Variants in PELP1 observed in about 807,000 individuals in gnomAD.
The protein encoded by PELP1 is proline, glutamate and leucine rich protein 1.
In PELP1, 32 loss-of-function variants were observed where a neutral mutation model predicts 95.5. That is an observed-to-expected ratio of 0.34 (90% CI 0.25 to 0.45). The LOEUF (loss-of-function observed/expected upper bound fraction) is 0.45, where lower values mean the gene tolerates loss of function less well. PELP1 is among the 20% of genes least tolerant of loss of function. PELP1 has a pLI of 1.00. For synonymous variants in PELP1, 668 were observed against 600.1 expected, an observed-to-expected ratio of 1.11 and a Z score of -1.65; for missense variants, 1,358 against 1,444.8, an observed-to-expected ratio of 0.94 and a Z score of 0.97.
chr17:4,688,684 G>A lies in PELP1; in HGVS notation c.420+2204C>T, dbSNP rs1912992732. On this transcript the variant is annotated intron_variant, in intron 3 of 16. Coordinates refer to ENST00000572293, the MANE Select transcript of PELP1 (RefSeq NM_014389.3). Reference sequence around the variant, plus strand: ...TAAGGAAAAACTACAAAACACTGCTGAAAGAAATCACAGACGACACAAACA... The same window carrying A: ...TAAGGAAAAACTACAAAACACTGCTAAAAGAAATCACAGACGACACAAACA... 2.6e-5 allele frequency among the ~76,000 whole-genome samples: 4 copies of A among 152,190 alleles called. No individual in the cohort carries two copies. In the South Asian group the frequency reaches 8.3e-4, roughly 31 times the overall value.
chr17:4,703,161 C>T (rs1025021570), intron 1 of PELP1, among the ~76,000 whole-genome samples: 2 of 152,158 alleles, frequency 1.3e-5, no homozygotes, highest in African/African-American at 4.8e-5. Flanking sequence ...ACCCATCTCA[C>T]CAGTCTCATC....
At chr17:4,679,131 A>C (rs9902000) in intron 5 of PELP1, among the ~76,000 whole-genome samples, 114,340 of 151,720 alleles carry the variant, frequency 0.75, 43,609 homozygotes, top group East Asian at 1. Context: ...GCTTCAGGGG[A>C]TCTCCTGCCT....
At chr17:4,674,769 G>A (rs1345447462) in intron 12 of PELP1, 40 bp downstream of exon 12, 1 of 1,592,708 alleles carries the variant, frequency 6.3e-7, no homozygotes, top group East Asian at 2.2e-5. Flanking sequence ...TGGTCAAAGG[G>A]CACAGGATGA....
At chr17:4,699,173 A>AT (rs1274377060) in intron 1 of PELP1, among the ~76,000 whole-genome samples, 1 of 152,096 alleles carries the variant, frequency 6.6e-6, no homozygotes, top group Non-Finnish European at 1.5e-5. Context: ...AGGTCAGGAG[A>AT]TTGAGACCGT....
rs1258411973 is a variant in PELP1, at chr17:4,670,197, A to G, written c.*1242T>C. The G allele has an allele frequency of 6.6e-6, 1 of 152,238 alleles. No individual in the cohort carries two copies. The highest frequency in any genetic ancestry group is 1.5e-5 in the Non-Finnish European group (1 of 68,040). 9.4% of individuals were successfully genotyped at this position (152,238 alleles called of 1,614,324 possible). A position where few individuals can be genotyped will look rare whatever the true frequency, so the allele number is the denominator to read the frequency against. On this transcript the variant is annotated 3_prime_UTR_variant, in exon 17 of 17. Transcript: ENST00000572293. ...TACTGAAGTTTCCAAAAATTAGCTC[A>G]AATGCCACCTCCTCAAAGGGCTCTT...
intron 1 of PELP1, chr17:4,696,831 A>G (rs1021611394): frequency 6.6e-6 from 1 of 152,162 alleles, no homozygotes; most frequent in African/African-American, 2.4e-5. Flanking sequence ...AGGGTCCAAG[A>G]TAATGCCAAG....
At position 4,672,824 on chromosome 17, in the gene PELP1, G is replaced by A. The variant is rs1363217034; in HGVS notation, c.2167C>T (p.Leu723Phe). The A allele has an allele frequency of 6.2e-7, 1 of 1,613,936 alleles. No individual in the cohort carries two copies. Among genetic ancestry groups the A allele is most frequent in the Non-Finnish European group, 8.5e-7 (1 of 1,179,840 alleles). ...CGGTGGTTCTCAGGGCCAGGAAGAA[G>A]CCGGGGAGGGACAGACACTAGGCCT... ...VPGLVSVPPR[L>F]LPGPENHRAG... Residue 723 changes from leucine (L) to phenylalanine (F), a missense_variant, in exon 16 of 17, where the codon CTT becomes TTT. By Grantham distance (22) the Leu-to-Phe change is conservative (BLOSUM62 0). This residue lies in a region of PELP1 where 340 missense variants were observed against 322.9 expected (regional missense o/e 1.05). Coordinates refer to ENST00000572293, the MANE Select transcript of PELP1 (RefSeq NM_014389.3).
chr17:4,694,552 C>T (rs1193505418), intron 1 of PELP1, among the ~76,000 whole-genome samples: 2 of 149,558 alleles, frequency 1.3e-5, no homozygotes, highest in Non-Finnish European at 3.0e-5. Context: ...CCCAGCTACT[C>T]CAAAGGCTGA....
intron 5 of PELP1, among the ~76,000 whole-genome samples, chr17:4,680,524 C>T (rs376487135): frequency 4.4e-4 from 67 of 152,220 alleles, no homozygotes; most frequent in Middle Eastern, 6.8e-3. Flanking sequence ...GCAATCTGCC[C>T]GCCTTGGCCT....
Position 4,671,746 on chromosome 17 carries a change from GTC to G in PELP1, c.3243_3244del (p.Glu1081AspfsTer23). 1 of 1,530,944 alleles carries G rather than the reference GTC, an allele frequency of 6.5e-7. No homozygotes were observed. Among genetic ancestry groups the G allele is most frequent in the Non-Finnish European group, 8.7e-7 (1 of 1,144,298 alleles). The allele number at this position is 1,530,944 out of a possible 1,614,324, so 94.8% of individuals were successfully genotyped here. A position where few individuals can be genotyped will look rare whatever the true frequency, so the allele number is the denominator to read the frequency against. On this transcript the variant is annotated frameshift_variant, in exon 16 of 17. Transcript: ENST00000572293. LOFTEE classifies it high-confidence loss of function. ...TGTCTCCATCTCTTCTTCTGCAGGT[GTC>G]TCTGGTGGGGGCTGCACCTTGTCAC...
chr17:4,693,064 T>C (rs1022500660), intron 1 of PELP1, among the ~76,000 whole-genome samples: 1 of 152,178 alleles, frequency 6.6e-6, no homozygotes, highest in Non-Finnish European at 1.5e-5. Context: ...GAACAAGATG[T>C]ATTGATACTC....
intron 5 of PELP1, among the ~76,000 whole-genome samples, chr17:4,681,051 G>A (rs1375236458): frequency 1.3e-5 from 2 of 152,182 alleles, no homozygotes; most frequent in Admixed American, 6.5e-5. Flanking sequence ...TATGTGTCAT[G>A]ACAACTGGGA....
intron 3 of PELP1, among the ~76,000 whole-genome samples, chr17:4,689,005 G>A (rs1259808462): frequency 1.3e-5 from 2 of 152,176 alleles, no homozygotes; most frequent in African/African-American, 4.8e-5. Flanking sequence ...TAGGCACATA[G>A]ACCAATGGAA....
chr17:4,673,796 A>G lies in PELP1; in HGVS notation c.1583-122T>C. 1.3e-6 allele frequency: 1 copy of G among 786,264 alleles called. No individual in the cohort carries two copies. Among genetic ancestry groups the G allele is most frequent in the Admixed American group, 1.9e-5 (1 of 53,520 alleles). The allele number at this position is 786,264 out of a possible 1,614,324, so 48.7% of individuals were successfully genotyped here. ...ACTGCCTATCTTGGCCAAGTCATTT[A>G]ACTTCTCAACTAGAAAATGGGGATC... On this transcript the variant is annotated intron_variant, in intron 13 of 16. Transcript: ENST00000572293. The surrounding 1 kb of genome is among the most constrained non-coding windows in gnomAD (Gnocchi z 5.7).
intron 1 of PELP1, among the ~76,000 whole-genome samples, chr17:4,702,100 A>G (rs751940554): frequency 5.3e-5 from 8 of 152,178 alleles, no homozygotes; most frequent in Non-Finnish European, 1.2e-4. Context: ...CGGGATAGGT[A>G]ATATTTCACA....
chr17:4,671,187 G>T lies in PELP1; in HGVS notation c.*252C>A. ...ATTCTGCACGTTTAGCATCCAGCCA[G>T]AATCCTACAATTCTGACACCATCGT... On this transcript the variant is annotated 3_prime_UTR_variant, in exon 17 of 17. Coordinates refer to ENST00000572293, the MANE Select transcript of PELP1 (RefSeq NM_014389.3). The T allele has an allele frequency of 1.8e-6, 1 of 542,242 alleles. No homozygotes were observed. The highest frequency in any genetic ancestry group is 2.4e-5 in the South Asian group (1 of 41,538). 33.6% of individuals were successfully genotyped at this position (542,242 alleles called of 1,614,324 possible). A position where few individuals can be genotyped will look rare whatever the true frequency, so the allele number is the denominator to read the frequency against.
chr17:4,691,286 C>T (rs561105955), intron 2 of PELP1, 92 bp downstream of exon 2: 1 of 924,074 alleles, frequency 1.1e-6, no homozygotes, highest in South Asian at 1.4e-5. Context: ...GGTCTTGAAT[C>T]CTGGGGACGG....
At position 4,672,212 on chromosome 17, in the gene PELP1, C is replaced by A; in HGVS notation, c.2779G>T (p.Glu927Ter). 2 of 1,552,514 alleles carry A rather than the reference C, an allele frequency of 1.3e-6. No homozygotes were observed. The highest frequency in any genetic ancestry group is 1.7e-6 in the Non-Finnish European group (2 of 1,147,402). ...AATTCTTCCTCAAACTCTTCTTCCTCCTCTTCTTCCTCTTCAAAATATTCC... is the reference window on the plus strand; with the variant it reads ...AATTCTTCCTCAAACTCTTCTTCCTACTCTTCTTCCTCTTCAAAATATTCC... Reference protein sequence around the residue: ...EEEYFEEEEEEEEEFEEEFEE... With the variant: ...EEEYFEEEEE Residue 927 changes from glutamate (E) to a stop codon, truncating the protein, a stop_gained, in exon 16 of 17, where the codon GAG (glutamate) becomes TAG (stop). Transcript: ENST00000572293. LOFTEE classifies it high-confidence loss of function.
At position 4,672,447 on chromosome 17, in the gene PELP1, AG is replaced by A; in HGVS notation, c.2543del (p.Pro848LeufsTer6). ...PLPPPPPPPP[P>X]VPGPVTLPPP... ...GAGGGAGCGTCACAGGACCAGGAACAGGCGGCGGCGGAGGTGGGGGTGGCGG... is the reference window on the plus strand; with the variant it reads ...GAGGGAGCGTCACAGGACCAGGAACAGCGGCGGCGGAGGTGGGGGTGGCGG... On this transcript the variant is annotated frameshift_variant, in exon 16 of 17. Transcript: ENST00000572293. LOFTEE classifies it high-confidence loss of function. 1 of 1,530,688 alleles carries A rather than the reference AG, an allele frequency of 6.5e-7. No homozygotes were observed. The highest frequency in any genetic ancestry group is 8.8e-7 in the Non-Finnish European group (1 of 1,130,748). The allele number at this position is 1,530,688 out of a possible 1,614,324, so 94.8% of individuals were successfully genotyped here. A position where few individuals can be genotyped will look rare whatever the true frequency, so the allele number is the denominator to read the frequency against.
Sources: gnomAD v4.1 joint callset for allele counts (sites outside exome capture counted in the v4.1 genomes callset) on GRCh38, gnomAD v4.1.1 for gene constraint, gnomAD v4.1.1 regional missense constraint, Gnocchi (gnomAD v3.1) non-coding constraint, MANE v1.5 for transcripts, NCBI Gene and HGNC (gene_info 2026-07-23, HGNC 2026-07-21) for gene names.